Variants in SPAG1 observed in about 807,000 individuals in gnomAD.
The protein encoded by SPAG1 is sperm-associated antigen 1.
In SPAG1, 69 loss-of-function variants were observed where a neutral mutation model predicts 100.5. That is an observed-to-expected ratio of 0.69 (90% confidence interval 0.57 to 0.84). The LOEUF is 0.84. SPAG1 is among the 40% of genes least tolerant of loss of function. The pLI is 0.00. For synonymous variants in SPAG1, 336 were observed against 411.6 expected (o/e 0.82, Z 2.22); for missense variants, 955 against 1,133.1 (o/e 0.84, Z 2.26).
At chr8:100,171,107 A>T (rs1268175476) in intron 3 of SPAG1, among the ~76,000 whole-genome samples, 2 of 152,288 alleles carry the variant, frequency 1.3e-5, no homozygotes, top group East Asian at 1.9e-4. Context: ...AGATGAACAG[A>T]TGATTTTCTT....
chr8:100,193,353 C>T (rs951562855), intron 9 of SPAG1, among the ~76,000 whole-genome samples: 2 of 151,940 alleles, frequency 1.3e-5, no homozygotes, highest in African/African-American at 2.4e-5. Context: ...CCTAGCTACT[C>T]GGGAGGCAGG....
chr8:100,165,189 G>T (rs1815493805), intron 2 of SPAG1: 1 of 469,188 alleles, frequency 2.1e-6, no homozygotes, highest in Non-Finnish European at 4.3e-6. Flanking sequence ...TATTTATTCT[G>T]AAAGGTAATT....
chr8:100,240,296 A>C, intron 17 of SPAG1, 107 bp from the exon 18 acceptor site: 3 of 1,082,460 alleles, frequency 2.8e-6, no homozygotes, highest in Non-Finnish European at 2.6e-6. Flanking sequence ...ACTGGACTAC[A>C]GTACAGTCTA....
At chr8:100,180,100 G>A (rs1348675577) in intron 4 of SPAG1, among the ~76,000 whole-genome samples, 2 of 152,220 alleles carry the variant, frequency 1.3e-5, no homozygotes, top group Non-Finnish European at 2.9e-5. Flanking sequence ...GGGAGGCCAA[G>A]GCGGGTGGAT....
intron 10 of SPAG1, among the ~76,000 whole-genome samples, chr8:100,202,329 A>G (rs1260308252): frequency 1.3e-5 from 2 of 150,208 alleles, no homozygotes; most frequent in Non-Finnish European, 3.0e-5. Context: ...CAGTTGTCAC[A>G]TCACCATTTG....
Position 100,231,167 on chromosome 8 carries a change from T to C in SPAG1, c.1867T>C (p.Phe623Leu). 6.2e-7 allele frequency: 1 copy of C among 1,603,530 alleles called. No homozygotes were observed. Among genetic ancestry groups the C allele is most frequent in the Non-Finnish European group, 8.5e-7 (1 of 1,175,104 alleles). ...TTTTTGTCCCATAGATGAAAAAACA[T>C]TTAAAGCCCTTAAGGAAGAAGGAAA... is the stretch of plus-strand genomic sequence containing the variant. ...RQQGITDEKT[F>L]KALKEEGNQC... Residue 623 changes from phenylalanine (F) to leucine (L), a missense_variant, in exon 15 of 19, where the codon TTT becomes CTT. Physicochemically the swap from Phe to Leu is conservative, Grantham distance 22. Coordinates refer to ENST00000388798, the MANE Select transcript of SPAG1 (RefSeq NM_003114.5).
At chr8:100,197,252 A>G (rs1056812800) in intron 10 of SPAG1, among the ~76,000 whole-genome samples, 1 of 152,150 alleles carries the variant, frequency 6.6e-6, no homozygotes, top group African/African-American at 2.4e-5. Context: ...CAGAAGTTCA[A>G]TCCCAGCCTG....
At chr8:100,235,742 G>A (rs1818976132) in intron 16 of SPAG1, among the ~76,000 whole-genome samples, 1 of 152,076 alleles carries the variant, frequency 6.6e-6, no homozygotes. Context: ...CAGTCAGCGT[G>A]CATGTCCCGC....
chr8:100,173,756 T>C (rs1306241915), intron 3 of SPAG1, among the ~76,000 whole-genome samples: 1 of 152,228 alleles, frequency 6.6e-6, no homozygotes, highest in African/African-American at 2.4e-5. Context: ...AGATGATTTT[T>C]AAATCTTTAT....
intron 14 of SPAG1, among the ~76,000 whole-genome samples, chr8:100,225,897 A>G (rs926928042): frequency 2.2e-4 from 34 of 151,686 alleles, no homozygotes; most frequent in African/African-American, 7.7e-4. Flanking sequence ...CAGTGGCGCA[A>G]TCACGGTTCA....
chr8:100,168,115 T>C (rs140373804), intron 3 of SPAG1, among the ~76,000 whole-genome samples: 250 of 152,328 alleles, frequency 1.6e-3, no homozygotes, highest in African/African-American at 5.3e-3. Context: ...GCCCTAAATA[T>C]ACTATGTTTT....
chr8:100,193,790 A>T (rs957898704), intron 9 of SPAG1, among the ~76,000 whole-genome samples: 4 of 152,186 alleles, frequency 2.6e-5, no homozygotes, highest in Non-Finnish European at 4.4e-5. Context: ...GCATGATTTC[A>T]TTTGTGTAAA....
rs941721523 is a variant in SPAG1 at position 100,176,534 on chromosome 8, T to C, written c.301-1282T>C. On this transcript the variant is annotated intron_variant, in intron 3 of 18. Coordinates refer to ENST00000388798, the MANE Select transcript of SPAG1 (RefSeq NM_003114.5). Reference sequence around the variant, plus strand: ...GTGCCCACCACCACACCTGGCTAATTTTGTATTTTTAGTAGAGACGGGGTT... The same window carrying C: ...GTGCCCACCACCACACCTGGCTAATCTTGTATTTTTAGTAGAGACGGGGTT... Among the ~76,000 whole-genome samples, 64 of 151,918 alleles carry C rather than the reference T, an allele frequency of 4.2e-4. 1 individual carries two copies. Among genetic ancestry groups the C allele is most frequent in the Non-Finnish European group, 4.4e-5 (3 of 67,968 alleles).
At chr8:100,183,220 A>T (rs1816441734) in intron 4 of SPAG1, among the ~76,000 whole-genome samples, 155 bp from the exon 5 acceptor site, 1 of 152,072 alleles carries the variant, frequency 6.6e-6, no homozygotes, top group Non-Finnish European at 1.5e-5. Context: ...TGAGCTGTCC[A>T]CCTCAGCCTC....
chr8:100,169,307 T>G (rs1223954902), intron 3 of SPAG1, among the ~76,000 whole-genome samples: 1 of 152,240 alleles, frequency 6.6e-6, no homozygotes, highest in Non-Finnish European at 1.5e-5. Flanking sequence ...CAGTCCCAGT[T>G]TCTCTGGAGG....
chr8:100,213,461 C>A, intron 11 of SPAG1, 33 bp downstream of exon 11: 1 of 1,368,538 alleles, frequency 7.3e-7, no homozygotes, highest in Non-Finnish European at 9.4e-7. Context: ...CTTCCTGGGC[C>A]CCTCGCGCTG....
chr8:100,176,753 G>A lies in SPAG1; in HGVS notation c.301-1063G>A, dbSNP rs561105605. Among the ~76,000 whole-genome samples the A allele has an allele frequency of 3.3e-5, 5 of 152,274 alleles. No homozygotes were observed. In the East Asian group the frequency reaches 9.7e-4, roughly 29 times the overall value. Reference sequence around the variant, plus strand: ...AAAGGCATTTCACAAGAAGTGCAAAGTCTTTGCACCTGATGGTGTAGCCGC... The same window carrying A: ...AAAGGCATTTCACAAGAAGTGCAAAATCTTTGCACCTGATGGTGTAGCCGC... On this transcript the variant is annotated intron_variant, in intron 3 of 18. Coordinates refer to ENST00000388798, the MANE Select transcript of SPAG1 (RefSeq NM_003114.5).
At chr8:100,225,451 A>T in intron 14 of SPAG1, 112 bp downstream of exon 14, 1 of 935,078 alleles carries the variant, frequency 1.1e-6, no homozygotes, top group Admixed American at 2.5e-5. Context: ...CCTAGGTTTA[A>T]GTGAAGTCCC....
intron 14 of SPAG1, among the ~76,000 whole-genome samples, chr8:100,229,756 C>G (rs1172939579): frequency 6.6e-6 from 1 of 152,212 alleles, no homozygotes; most frequent in African/African-American, 2.4e-5. Context: ...TGGTAATGAG[C>G]AGTTCAGACT....
Sources: allele counts gnomAD v4.1 joint callset (sites outside exome capture counted in the v4.1 genomes callset), GRCh38; gene constraint gnomAD v4.1.1; transcripts MANE v1.5; gene names NCBI Gene and HGNC (gene_info 2026-07-23, HGNC 2026-07-21).